Variants in SLC16A5 observed in about 807,000 individuals in gnomAD.
The protein encoded by SLC16A5 is solute carrier family 16 member 5.
In SLC16A5, 29 loss-of-function variants were observed where a neutral mutation model predicts 33.2. The observed-to-expected ratio is 0.87, with a 90% CI of 0.65 to 1.19. The LOEUF (loss-of-function observed/expected upper bound fraction) is 1.19, where lower values mean the gene tolerates loss of function less well. Among genes scored for constraint, SLC16A5 ranks in the 50% most tolerant of loss-of-function variants. The pLI is 0.00. For missense variants in SLC16A5, 606 were observed against 678.2 expected, an observed-to-expected ratio of 0.89 and a Z score of 1.18; for synonymous variants, 248 against 284.1, an observed-to-expected ratio of 0.87 and a Z score of 1.28.
At chr17:75,097,899 TG>T in intron 3 of SLC16A5, 138 bp from the exon 4 acceptor site, 1 of 926,740 alleles carries the variant, frequency 1.1e-6, no homozygotes, top group Non-Finnish European at 1.6e-6. Flanking sequence ...CCATGGCAGG[TG>T]GGTATCAGAA....
chr17:75,098,150 C>G lies in SLC16A5; in HGVS notation c.312C>G (p.Ser104Arg). 1 of 1,612,608 alleles carries G rather than the reference C, an allele frequency of 6.2e-7. No homozygotes were observed. The highest frequency in any genetic ancestry group is 1.1e-5 in the South Asian group (1 of 90,852). ...CCAGCTCCTTCTCTCACAACCTCAGCCAGCTCTACTTCACAGCAGGATTCA... is the reference window on the plus strand; with the variant it reads ...CCAGCTCCTTCTCTCACAACCTCAGGCAGCTCTACTTCACAGCAGGATTCA... ...MVASSFSHNL[S>R]QLYFTAGFIT... Residue 104 changes from serine to arginine, a missense_variant, in exon 4 of 7, where the codon AGC (serine) becomes AGG (arginine). Ser to Arg is a moderately radical substitution (Grantham distance 110, BLOSUM62 -1). Transcript: ENST00000329783.
At position 75,100,687 on chromosome 17, in the gene SLC16A5, A is replaced by C. The variant is rs747029613; in HGVS notation, c.1024A>C (p.Met342Leu). 2 of 1,614,188 alleles carry C rather than the reference A, an allele frequency of 1.2e-6. No homozygotes were observed. Among genetic ancestry groups the C allele is most frequent in the East Asian group, 4.5e-5 (2 of 44,886 alleles). ...VGYCLAYSVS[M>L]SGIGALIFQV... is the part of the protein sequence containing the mutation. ...CTACTGCCTGGCGTACAGCGTGTCC[A>C]TGAGTGGCATCGGCGCCCTCATCTT... Residue 342 changes from methionine (M) to leucine (L), a missense_variant, in exon 5 of 7, where the codon ATG (methionine) becomes CTG (leucine). Coordinates refer to ENST00000329783, the MANE Select transcript of SLC16A5 (RefSeq NM_004695.4).
rs765140258 is a variant in SLC16A5 at position 75,094,600 on chromosome 17, C to G, written c.199+765C>G. 1.3e-5 allele frequency among the ~76,000 whole-genome samples: 2 copies of G among 151,310 alleles called. 1 individual carries two copies. Among genetic ancestry groups the G allele is most frequent in the South Asian group, 4.2e-4 (2 of 4,786 alleles). On this transcript the variant is annotated intron_variant, in intron 3 of 6. Coordinates refer to ENST00000329783, the MANE Select transcript of SLC16A5 (RefSeq NM_004695.4). ...ACTCAGGAGGCTGAGGCAGGAGAAT[C>G]TCTTGAACCCAGGAGGCAGAGGTTG...
intron 5 of SLC16A5, among the ~76,000 whole-genome samples, chr17:75,101,902 TG>T (rs2073805020): frequency 6.6e-6 from 1 of 152,144 alleles, no homozygotes; most frequent in African/African-American, 2.4e-5. Context: ...CCCAAAGTGC[TG>T]GGATTACAGG....
At chr17:75,093,158 A>C in intron 2 of SLC16A5, 1 of 506,032 alleles carries the variant, frequency 2.0e-6, no homozygotes, top group Non-Finnish European at 3.6e-6. Context: ...CCTGGGCAGG[A>C]GGGTGTATCC....
downstream of SLC16A5, among the ~76,000 whole-genome samples, chr17:75,106,578 C>A (rs1451417180): frequency 4.8e-5 from 7 of 145,538 alleles, no homozygotes; most frequent in African/African-American, 7.8e-5. Flanking sequence ...CACAGCAAGA[C>A]CCTGTCTTTT....
chr17:75,095,320 C>T (rs571473833), intron 3 of SLC16A5, among the ~76,000 whole-genome samples: 19 of 152,236 alleles, frequency 1.2e-4, no homozygotes, highest in Non-Finnish European at 2.1e-4. Context: ...GGCTAGGAAC[C>T]GGGCACCCGG....
chr17:75,097,061 A>G (rs1346128522), intron 3 of SLC16A5, among the ~76,000 whole-genome samples: 3 of 141,290 alleles, frequency 2.1e-5, no homozygotes, highest in Middle Eastern at 4.1e-3. Flanking sequence ...CCTGACCTTA[A>G]GTGATCCACC....
chr17:75,107,853 C>T (rs1228744540), downstream of SLC16A5, among the ~76,000 whole-genome samples: 3 of 152,080 alleles, frequency 2.0e-5, no homozygotes, highest in South Asian at 2.1e-4. Flanking sequence ...AGGAGAATGG[C>T]GTGAACCTGG....
chr17:75,093,598 A>C lies in SLC16A5; in HGVS notation c.-39A>C. 1 of 1,589,602 alleles carries C rather than the reference A, an allele frequency of 6.3e-7. No individual in the cohort carries two copies. Among genetic ancestry groups the C allele is most frequent in the Non-Finnish European group, 8.5e-7 (1 of 1,172,190 alleles). On this transcript the variant is annotated 5_prime_UTR_variant, in exon 3 of 7. Coordinates refer to ENST00000329783, the MANE Select transcript of SLC16A5 (RefSeq NM_004695.4). ...TCTGTCCCCTCCCCAGGCAGCAGCC[A>C]CATTGGCAGTGAGGCCGTGGCAGCG...
rs933367518 is a variant in SLC16A5, at chr17:75,100,088, C to T, written c.425C>T (p.Ala142Val). 2.1e-5 allele frequency: 34 copies of T among 1,613,858 alleles called. No homozygotes were observed. Among genetic ancestry groups the T allele is most frequent in the Admixed American group, 1.8e-4 (11 of 60,004 alleles). The change falls in exon 5 of 7, where the codon GCG becomes GTG. Residue 142 changes from alanine (A) to valine (V), a missense_variant. Physicochemically the swap from Ala to Val is moderately conservative, Grantham distance 64 (BLOSUM62 0). Coordinates refer to ENST00000329783, the MANE Select transcript of SLC16A5 (RefSeq NM_004695.4). ...GTCCGCCGGCGGGTGCTGGCCAACG[C>T]GCTGGCCTCGATGGGCGTCTCCCTG... ...YFVRRRVLAN[A>V]LASMGVSLGI...
At chr17:75,108,844 G>C (rs932462094), downstream of SLC16A5, among the ~76,000 whole-genome samples, 18 of 152,180 alleles carry the variant, frequency 1.2e-4, no homozygotes, top group Non-Finnish European at 2.1e-4. Flanking sequence ...AGGTTGTGAC[G>C]CCCTTTGTGC....
chr17:75,092,278 TGA>T (rs2073649336), intron 2 of SLC16A5, among the ~76,000 whole-genome samples: 1 of 152,054 alleles, frequency 6.6e-6, no homozygotes, highest in African/African-American at 2.4e-5. Flanking sequence ...TGTGTTCGTG[TGA>T]GTGTCTACGC....
At chr17:75,095,192 A>G (rs1302278686) in intron 3 of SLC16A5, among the ~76,000 whole-genome samples, 1 of 152,110 alleles carries the variant, frequency 6.6e-6, no homozygotes, top group East Asian at 1.9e-4. Context: ...AGAAAGCGCC[A>G]CCCTCCTGGG....
In SLC16A5 at chr17:75,100,763, G is replaced by C. The variant is rs1018021252; in HGVS notation, c.1100G>C (p.Gly367Ala). 8.7e-6 allele frequency: 14 copies of C among 1,613,604 alleles called. No individual in the cohort carries two copies. The East Asian group carries it at 1.8e-4, about 21-fold the overall frequency. The change falls in exon 5 of 7, where the codon GGA becomes GCA. Residue 367 changes from glycine (G) to alanine (A), a missense_variant. Physicochemically the swap from Gly to Ala is moderately conservative, Grantham distance 60. Transcript: ENST00000329783. ...ATGGATCAGTTCCCCAGAGCCCTGG[G>C]ACTCTTCACTGTCCTGGACGGCCTT... is the stretch of plus-strand genomic sequence containing the variant. ...VPMDQFPRAL[G>A]LFTVLDGLAF...
Position 75,106,061 on chromosome 17 carries a change from G to A in SLC16A5, c.*28G>A, listed in dbSNP as rs933150327. ...GCCCTGTTTGACTCCGCCACTATCT[G>A]CCATGTGAGTTGGGCAAATTGTTGA... On this transcript the variant is annotated 3_prime_UTR_variant, in exon 7 of 7. Coordinates refer to ENST00000329783, the MANE Select transcript of SLC16A5 (RefSeq NM_004695.4). 2.0e-5 allele frequency: 25 copies of A among 1,264,266 alleles called. No homozygotes were observed. The highest frequency in any genetic ancestry group is 2.8e-5 in the Non-Finnish European group (25 of 895,068). 78.3% of individuals were successfully genotyped at this position (1,264,266 alleles called of 1,614,324 possible).
At position 75,092,028 on chromosome 17, in the gene SLC16A5, G is replaced by GGTGTGTGTGT. The variant is rs535726400; in HGVS notation, c.-48-1547_-48-1538dup. ...CTTGCTAAGCCAAAGATGTGAGGGGGGTGTGTGTGTGTGTGTGTGTGTGCA... is the reference window on the plus strand; with the variant it reads ...CTTGCTAAGCCAAAGATGTGAGGGGGGTGTGTGTGTGTGTGTGTGTGTGTGTGTGTGTGCA... On this transcript the variant is annotated intron_variant, in intron 2 of 6. Coordinates refer to ENST00000329783, the MANE Select transcript of SLC16A5 (RefSeq NM_004695.4). 3.2e-3 allele frequency among the ~76,000 whole-genome samples: 486 copies of GGTGTGTGTGT among 149,704 alleles called. 4 individuals carry two copies. The highest frequency in any genetic ancestry group is 8.7e-3 in the African/African-American group (351 of 40,456).
At chr17:75,087,642 C>A (rs763123311), upstream of SLC16A5, 3 of 152,278 alleles carry the variant, frequency 2.0e-5, no homozygotes, top group Admixed American at 1.3e-4. Flanking sequence ...GCCTTCCCCA[C>A]CCCACTTCCT....
chr17:75,101,999 A>ATCCT (rs1598154649), intron 5 of SLC16A5, among the ~76,000 whole-genome samples: 1 of 152,136 alleles, frequency 6.6e-6, no homozygotes, highest in African/African-American at 2.4e-5. Flanking sequence ...AGAGCTTAGG[A>ATCCT]GAGAGTCTGG....
Sources: gnomAD v4.1 joint callset for allele counts (sites outside exome capture counted in the v4.1 genomes callset) on GRCh38, gnomAD v4.1.1 for gene constraint, MANE v1.5 for transcripts, NCBI Gene and HGNC (gene_info 2026-07-23, HGNC 2026-07-21) for gene names.